The following ADARB2 variants were observed in gnomAD, a reference collection of about 807,000 sequenced individuals.
ADARB2 encodes adenosine deaminase RNA specific B2 (inactive), also known as inactive double-stranded RNA-specific editase B2.
Under a neutral mutation model 62.2 loss-of-function variants are expected in ADARB2, and 25 were observed. The observed-to-expected ratio is 0.40, with a 90% confidence interval of 0.29 to 0.56. The LOEUF is 0.56. Among genes scored for constraint, ADARB2 ranks in the 20% least tolerant of loss-of-function variants. The pLI is 0.43. For missense variants in ADARB2, 1,071 were observed against 1,077.4 expected (o/e 0.99, Z 0.08); for synonymous variants, 572 against 500.8 (o/e 1.14, Z -1.90).
intron 1 of ADARB2, among the ~76,000 whole-genome samples, chr10:1,400,789 A>G (rs1248696769): frequency 6.6e-6 from 1 of 152,126 alleles, no homozygotes; most frequent in Non-Finnish European, 1.5e-5. Context: ...CGGTTTGTAA[A>G]AAGGCGTGGC....
rs1456760982 is a variant in ADARB2, at chr10:1,327,341, TGCACAGCGCCTCCTCACG to T, written c.1077+35669_1077+35686del. Among the ~76,000 whole-genome samples, 52 of 37,194 alleles carry T rather than the reference TGCACAGCGCCTCCTCACG, an allele frequency of 1.4e-3. 2 individuals carry two copies. Among genetic ancestry groups the T allele is most frequent in the Admixed American group, 1.9e-3 (8 of 4,240 alleles). The allele number at this position is 37,194 out of a possible 152,430, so 24.4% of individuals were successfully genotyped here. On this transcript the variant is annotated intron_variant, in intron 3 of 9. Coordinates refer to ENST00000381312, the MANE Select transcript of ADARB2 (RefSeq NM_018702.4). ...TCCTCACTGCACAGCGCCTCCTCAC[TGCACAGCGCCTCCTCACG>T]GCCCAGCGCCTCCCCACGGCACAGC...
intron 3 of ADARB2, among the ~76,000 whole-genome samples, chr10:1,315,302 C>T (rs2131824859): frequency 6.6e-6 from 1 of 152,356 alleles, no homozygotes; most frequent in East Asian, 1.9e-4. Context: ...GCATCAGCCC[C>T]AGCCAGCGCA....
intron 3 of ADARB2, chr10:1,361,637 GA>G (rs1216962881): frequency 1.3e-5 from 2 of 152,218 alleles, no homozygotes; most frequent in African/African-American, 4.8e-5. Flanking sequence ...GTGAGCACTT[GA>G]ACCCAGTCAC....
At chr10:1,610,592 A>T (rs1464595035) in intron 1 of ADARB2, among the ~76,000 whole-genome samples, 1 of 152,162 alleles carries the variant, frequency 6.6e-6, no homozygotes. Flanking sequence ...TGAGCCGGGA[A>T]TAAGGGGCTT....
chr10:1,429,108 C>T (rs1830751542), intron 1 of ADARB2, among the ~76,000 whole-genome samples: 1 of 152,024 alleles, frequency 6.6e-6, no homozygotes, highest in South Asian at 2.1e-4. Context: ...ATGGTGTGCT[C>T]TAGTTTTGCT....
chr10:1,505,888 C>G (rs1349529977), intron 1 of ADARB2, among the ~76,000 whole-genome samples: 2 of 152,218 alleles, frequency 1.3e-5, no homozygotes, highest in African/African-American at 4.8e-5. Flanking sequence ...TGCATGACAT[C>G]TCACAAAAAA....
At chr10:1,720,476 A>G (rs944819554) in intron 1 of ADARB2, among the ~76,000 whole-genome samples, 13 of 152,224 alleles carry the variant, frequency 8.5e-5, no homozygotes, top group African/African-American at 2.9e-4. Context: ...CAATTTATTC[A>G]GGGAAGAAAC....
At chr10:1,435,482 G>T (rs17156334) in intron 1 of ADARB2, among the ~76,000 whole-genome samples, 1 of 149,190 alleles carries the variant, frequency 6.7e-6, no homozygotes, top group African/African-American at 2.6e-5. Flanking sequence ...CTCCTTCTGC[G>T]CAAGGACCAT....
intron 1 of ADARB2, among the ~76,000 whole-genome samples, chr10:1,566,063 CAAAAAAAAAAAAAAAAAAAAAAA>C (rs376967105): frequency 3.9e-5 from 5 of 128,038 alleles, no homozygotes; most frequent in East Asian, 4.2e-4. Flanking sequence ...CTCAGTCTAG[CAAAAAAAAAAAAAAAAAAAAAAA>C]AAAAAAAAAA....
intron 1 of ADARB2, among the ~76,000 whole-genome samples, chr10:1,533,957 C>G (rs1206587036): frequency 6.6e-6 from 1 of 151,030 alleles, no homozygotes; most frequent in Non-Finnish European, 1.5e-5. Context: ...ATTATCAAAA[C>G]CATAATTACA....
intron 7 of ADARB2, among the ~76,000 whole-genome samples, chr10:1,204,831 G>A (rs1014738363): frequency 2.0e-5 from 3 of 152,116 alleles, no homozygotes; most frequent in Non-Finnish European, 4.4e-5. Flanking sequence ...TGACTGATGC[G>A]TAGGAGGAAG....
intron 1 of ADARB2, among the ~76,000 whole-genome samples, chr10:1,517,011 G>A (rs1042977343): frequency 2.0e-5 from 3 of 152,162 alleles, no homozygotes; most frequent in African/African-American, 7.2e-5. Flanking sequence ...TTTTTCATCC[G>A]AGCACTTGCT....
chr10:1,233,412 G>C (rs1830828538), intron 6 of ADARB2, among the ~76,000 whole-genome samples: 1 of 152,266 alleles, frequency 6.6e-6, no homozygotes. Context: ...CATTTTCCCA[G>C]CCCAGGACAC....
At chr10:1,665,420 C>T (rs1241307727) in intron 1 of ADARB2, among the ~76,000 whole-genome samples, 2 of 152,242 alleles carry the variant, frequency 1.3e-5, no homozygotes. Context: ...GAACGGCACA[C>T]ATCTGCCTCC....
At chr10:1,453,157 C>T (rs1380546824) in intron 1 of ADARB2, among the ~76,000 whole-genome samples, 2 of 152,214 alleles carry the variant, frequency 1.3e-5, no homozygotes, top group African/African-American at 2.4e-5. Context: ...GGAGTTGTAT[C>T]AGCAAGACGT....
chr10:1,186,611 T>G, intron 8 of ADARB2: 1 of 515,950 alleles, frequency 1.9e-6, no homozygotes, highest in Non-Finnish European at 3.9e-6. Context: ...CCTGCTGTCC[T>G]GTGGTGCTTG....
chr10:1,433,580 A>G (rs894475590), intron 1 of ADARB2, among the ~76,000 whole-genome samples: 1 of 152,110 alleles, frequency 6.6e-6, no homozygotes, highest in Non-Finnish European at 1.5e-5. Context: ...CCAAGATCAC[A>G]TCCATAGATG....
intron 6 of ADARB2, among the ~76,000 whole-genome samples, chr10:1,230,120 TC>T (rs1448900779): frequency 6.6e-6 from 1 of 150,946 alleles, no homozygotes; most frequent in East Asian, 2.0e-4. Flanking sequence ...TCAGATGAGC[TC>T]CTCTGGCCCC....
chr10:1,716,723 T>C (rs1835020480), intron 1 of ADARB2, among the ~76,000 whole-genome samples: 1 of 152,208 alleles, frequency 6.6e-6, no homozygotes, highest in Non-Finnish European at 1.5e-5. Flanking sequence ...GATTTGGAAA[T>C]TTTACTTTAC....
Sources: allele counts gnomAD v4.1 joint callset (sites outside exome capture counted in the v4.1 genomes callset), GRCh38; gene constraint gnomAD v4.1.1; transcripts MANE v1.5; gene names NCBI Gene and HGNC (gene_info 2026-07-23, HGNC 2026-07-21).